The following DYNC2H1 variants were observed in gnomAD, a reference collection of about 807,000 sequenced individuals.
DYNC2H1 encodes the protein dynein cytoplasmic 2 heavy chain 1.
A neutral mutation model predicts 570.0 loss-of-function variants in DYNC2H1; 410 were observed. The ratio of observed to expected loss-of-function variants is 0.72; its 90% CI spans 0.66 to 0.78. The LOEUF is 0.78. Ranked by LOEUF, DYNC2H1 falls within the 30% of genes least tolerant of loss-of-function variation. The probability of loss-of-function intolerance (pLI) is 0.00; values close to 1 mark genes in which losing one functional copy is unlikely to be tolerated. For synonymous variants in DYNC2H1, 1,688 were observed against 1,677.6 expected (o/e 1.01, Z -0.15); for missense variants, 4,865 against 5,046.4 (o/e 0.96, Z 1.09).
At chr11:103,273,415 G>A (rs778743542) in intron 70 of DYNC2H1, among the ~76,000 whole-genome samples, 6 of 151,978 alleles carry the variant, frequency 3.9e-5, no homozygotes, top group Non-Finnish European at 8.8e-5. Context: ...CCTCAAACTC[G>A]TGAGCTCAAG....
At chr11:103,292,394 A>G (rs546808642) in intron 75 of DYNC2H1, among the ~76,000 whole-genome samples, 1 of 152,282 alleles carries the variant, frequency 6.6e-6, no homozygotes, top group African/African-American at 2.4e-5. Context: ...TTTACACTTA[A>G]ACTCAATTCC....
intron 69 of DYNC2H1, among the ~76,000 whole-genome samples, chr11:103,259,514 G>T (rs926197545): frequency 1.3e-5 from 2 of 151,868 alleles, no homozygotes; most frequent in Non-Finnish European, 1.5e-5. Context: ...TCTTTATAAG[G>T]TATTCTTGTC....
chr11:103,359,024 C>G (rs896154001), intron 83 of DYNC2H1, among the ~76,000 whole-genome samples: 1 of 152,126 alleles, frequency 6.6e-6, no homozygotes, highest in Non-Finnish European at 1.5e-5. Context: ...GGAAAGTTTC[C>G]TTCTCTGTGA....
intron 88 of DYNC2H1, among the ~76,000 whole-genome samples, 174 bp from the exon 89 acceptor site, chr11:103,478,921 T>G (rs1237070241): frequency 6.6e-6 from 1 of 152,268 alleles, no homozygotes; most frequent in East Asian, 1.9e-4. Context: ...AGGTTGTAAA[T>G]AAAACACGAT....
At chr11:103,246,137 C>T (rs1256496313) in intron 65 of DYNC2H1, among the ~76,000 whole-genome samples, 1 of 152,012 alleles carries the variant, frequency 6.6e-6, no homozygotes. Flanking sequence ...ACATTATCCT[C>T]TTAATATATT....
rs1452720795 is a variant in DYNC2H1, at chr11:103,147,121, A to G, written c.2703-651A>G. On this transcript the variant is annotated intron_variant, in intron 18 of 88. Transcript: ENST00000375735. ...TGAAATTTGTCTTAGGATAAATTCTAAAGGTAGAGTTGTTAAGACAAAGGA... is the reference window on the plus strand; with the variant it reads ...TGAAATTTGTCTTAGGATAAATTCTGAAGGTAGAGTTGTTAAGACAAAGGA... Among the ~76,000 whole-genome samples, 28 of 152,208 alleles carry G rather than the reference A, an allele frequency of 1.8e-4. 1 individual carries two copies. The highest frequency in any genetic ancestry group is 1.8e-3 in the Admixed American group (28 of 15,266).
intron 36 of DYNC2H1, among the ~76,000 whole-genome samples, chr11:103,175,982 A>G (rs1054796526): frequency 7.2e-5 from 11 of 152,148 alleles, no homozygotes; most frequent in Non-Finnish European, 1.3e-4. Context: ...TTTATTATTA[A>G]TTAAAGTCTT....
chr11:103,452,515 G>A (rs988932109), intron 85 of DYNC2H1, among the ~76,000 whole-genome samples: 8 of 151,632 alleles, frequency 5.3e-5, no homozygotes, highest in South Asian at 2.1e-4. Flanking sequence ...AAATATTAGT[G>A]TTAATTAATA....
intron 82 of DYNC2H1, among the ~76,000 whole-genome samples, chr11:103,352,933 G>A (rs1181106400): frequency 2.0e-5 from 3 of 152,164 alleles, no homozygotes; most frequent in South Asian, 2.1e-4. Context: ...TAAAGATAAT[G>A]TTGTACATGT....
intron 84 of DYNC2H1, among the ~76,000 whole-genome samples, chr11:103,428,578 A>G (rs1376190828): frequency 6.6e-6 from 1 of 152,140 alleles, no homozygotes; most frequent in African/African-American, 2.4e-5. Flanking sequence ...CTGTACAGCT[A>G]ATTTCCAGAA....
chr11:103,357,213 G>A (rs1442926301), intron 82 of DYNC2H1, among the ~76,000 whole-genome samples: 2 of 151,818 alleles, frequency 1.3e-5, no homozygotes, highest in Non-Finnish European at 2.9e-5. Flanking sequence ...TCTTAAAATG[G>A]GAATCATTAA....
At chr11:103,121,951 A>C (rs1165792983) in intron 10 of DYNC2H1, among the ~76,000 whole-genome samples, 1 of 145,392 alleles carries the variant, frequency 6.9e-6, no homozygotes, top group Non-Finnish European at 1.5e-5. Context: ...ATGCTATCTC[A>C]AAAAAAAAAT....
chr11:103,307,852 G>T, intron 78 of DYNC2H1, 21 bp downstream of exon 78: 1 of 1,436,728 alleles, frequency 7.0e-7, no homozygotes, highest in Non-Finnish European at 9.6e-7. Context: ...TTAAAACTTG[G>T]ATCACCAGTT....
chr11:103,180,407 A>G (rs1861800550), intron 39 of DYNC2H1, among the ~76,000 whole-genome samples: 1 of 151,484 alleles, frequency 6.6e-6, no homozygotes, highest in Admixed American at 6.6e-5. Flanking sequence ...AAGTGAACTA[A>G]GCAGTAAGTA....
chr11:103,435,977 C>T lies in DYNC2H1; in HGVS notation c.12401C>T (p.Pro4134Leu). 2 of 1,612,638 alleles carry T rather than the reference C, an allele frequency of 1.2e-6. No individual in the cohort carries two copies. Among genetic ancestry groups the T allele is most frequent in the Non-Finnish European group, 1.7e-6 (2 of 1,179,086 alleles). Residue 4134 changes from proline to leucine, a missense_variant, in exon 85 of 89, where the codon CCA becomes CTA. This residue lies in a region of DYNC2H1 where 2,401 missense variants were observed against 2,454.6 expected (regional missense o/e 0.98). Transcript: ENST00000375735. ...GCATGGCAGAGCAAGTGGGAAGGCC[C>T]AGAAGATCCCTTACAATACCTGAGA... is the stretch of plus-strand genomic sequence containing the variant. ...PLAWQSKWEG[P>L]EDPLQYLRGL...
chr11:103,436,475 T>C (rs994973151), intron 85 of DYNC2H1, among the ~76,000 whole-genome samples: 3 of 152,016 alleles, frequency 2.0e-5, no homozygotes, highest in South Asian at 2.1e-4. Context: ...AGTGTATTTT[T>C]AAGGAATAGT....
At chr11:103,172,240 C>G (rs1307227465) in intron 34 of DYNC2H1, among the ~76,000 whole-genome samples, 1 of 151,732 alleles carries the variant, frequency 6.6e-6, no homozygotes, top group Non-Finnish European at 1.5e-5. Context: ...ACTTTTTTTT[C>G]TTCTCTTACA....
rs1198418177 is a variant in DYNC2H1, at chr11:103,154,792, G to A, written c.3556G>A (p.Glu1186Lys). ...AGTGATGACAGTGAAATTACAATCA[G>A]AGGTTGACAAATATAAAGTAAGATT... Reference protein sequence around the residue: ...HSVMTVKLQSEVDKYKIVIPI... With the variant: ...HSVMTVKLQSKVDKYKIVIPI... The change falls in exon 24 of 89, where the codon GAG becomes AAG. Residue 1186 changes from glutamate to lysine, a missense_variant. Around this residue, in one of 5 missense-constraint regions of DYNC2H1, gnomAD observed 1,936 missense variants for 1,962.1 expected, o/e 0.99. Transcript: ENST00000375735. The A allele has an allele frequency of 1.1e-5, 17 of 1,547,126 alleles. No individual in the cohort carries two copies. The highest frequency in any genetic ancestry group is 1.5e-5 in the Non-Finnish European group (17 of 1,146,870).
chr11:103,435,074 A>T (rs680713), intron 84 of DYNC2H1, among the ~76,000 whole-genome samples: 84,151 of 151,932 alleles, frequency 0.55, 23,911 homozygotes, highest in East Asian at 0.72. Flanking sequence ...GCACTTATCT[A>T]TCACATTCCT....
Sources: allele counts gnomAD v4.1 joint callset (sites outside exome capture counted in the v4.1 genomes callset), GRCh38; gene constraint gnomAD v4.1.1; regional missense constraint gnomAD v4.1.1; transcripts MANE v1.5; gene names NCBI Gene and HGNC (gene_info 2026-07-23, HGNC 2026-07-21).